RALGAPA2: variants seen among roughly 807,000 people sequenced by gnomAD.
RALGAPA2 encodes the protein Ral GTPase activating protein catalytic subunit alpha 2.
In RALGAPA2, 139 loss-of-function variants were observed where a neutral mutation model predicts 230.4. The ratio of observed to expected loss-of-function variants is 0.60; its 90% CI spans 0.53 to 0.69. The LOEUF (loss-of-function observed/expected upper bound fraction) is 0.69, where lower values mean the gene tolerates loss of function less well. Among genes scored for constraint, RALGAPA2 ranks in the 30% least tolerant of loss-of-function variants. The pLI is 0.00. For synonymous variants in RALGAPA2, 847 were observed against 837.8 expected (o/e 1.01, Z -0.19); for missense variants, 2,163 against 2,276.0 (o/e 0.95, Z 1.01).
chr20:20,460,999 T>C (rs1468739377), intron 37 of RALGAPA2, among the ~76,000 whole-genome samples: 1 of 152,182 alleles, frequency 6.6e-6, no homozygotes, highest in Admixed American at 6.5e-5. Context: ...AGGCTAAAAT[T>C]CTACAAAAAA....
At chr20:20,675,515 C>A (rs1450022126) in intron 3 of RALGAPA2, among the ~76,000 whole-genome samples, 1 of 152,148 alleles carries the variant, frequency 6.6e-6, no homozygotes, top group Non-Finnish European at 1.5e-5. Context: ...TCTCAAACCA[C>A]AAATAATTTC....
intron 37 of RALGAPA2, among the ~76,000 whole-genome samples, chr20:20,452,931 T>C (rs957624964): frequency 1.3e-5 from 2 of 152,176 alleles, no homozygotes; most frequent in African/African-American, 4.8e-5. Context: ...CGTGAGTTGA[T>C]GGCACAGGTG....
At chr20:20,703,201 T>C (rs2069461044) in intron 1 of RALGAPA2, among the ~76,000 whole-genome samples, 1 of 152,162 alleles carries the variant, frequency 6.6e-6, no homozygotes. Context: ...CAACTATTTT[T>C]AAAATAGCTG....
Position 20,434,194 on chromosome 20 carries a change from A to G in RALGAPA2, c.5496-22046T>C, listed in dbSNP as rs563726458. 3.9e-5 allele frequency among the ~76,000 whole-genome samples: 6 copies of G among 152,324 alleles called. No homozygotes were observed. In the South Asian group the frequency reaches 1.2e-3, roughly 32 times the overall value. ...AAAAATAAAACAAATTTTAATACAC[A>G]TGGTTAGTCTCTCCCAAACAAAAGT... On this transcript the variant is annotated intron_variant, in intron 37 of 39. Coordinates refer to ENST00000202677, the MANE Select transcript of RALGAPA2 (RefSeq NM_020343.4).
chr20:20,622,979 T>C (rs2066368197), intron 10 of RALGAPA2, among the ~76,000 whole-genome samples: 1 of 152,152 alleles, frequency 6.6e-6, no homozygotes, highest in Non-Finnish European at 1.5e-5. Flanking sequence ...AGCATTTATG[T>C]TAGGAATGCA....
chr20:20,707,414 AGAAG>A (rs1241997717), intron 1 of RALGAPA2, among the ~76,000 whole-genome samples: 1 of 152,174 alleles, frequency 6.6e-6, no homozygotes, highest in Non-Finnish European at 1.5e-5. Context: ...AAAAAAGGAA[AGAAG>A]GAAGGAGAGA....
chr20:20,646,384 A>C (rs1386530183), intron 4 of RALGAPA2, among the ~76,000 whole-genome samples: 1 of 152,172 alleles, frequency 6.6e-6, no homozygotes, highest in Non-Finnish European at 1.5e-5. Flanking sequence ...AACATTATCA[A>C]GTCATTTCTC....
intron 37 of RALGAPA2, chr20:20,471,674 C>T (rs943201042): frequency 5.9e-5 from 9 of 152,306 alleles, no homozygotes; most frequent in Non-Finnish European, 2.9e-5. Context: ...CACCACCAGC[C>T]TGGACAAAGC....
intron 10 of RALGAPA2, among the ~76,000 whole-genome samples, chr20:20,624,254 G>A (rs2066417063): frequency 6.6e-6 from 1 of 150,616 alleles, no homozygotes; most frequent in Admixed American, 6.6e-5. Flanking sequence ...TTGAACCCGG[G>A]AGGTGGAGGT....
intron 13 of RALGAPA2, 22 bp downstream of exon 13, chr20:20,616,020 TA>T: frequency 7.1e-7 from 1 of 1,415,682 alleles, no homozygotes; most frequent in Non-Finnish European, 9.4e-7. Flanking sequence ...TTTACAATAC[TA>T]ATTAATTTGA....
chr20:20,472,448 T>G (rs964072278), intron 37 of RALGAPA2: 1 of 153,930 alleles, frequency 6.5e-6, no homozygotes, highest in African/African-American at 2.4e-5. Flanking sequence ...GTAGGCACTC[T>G]GAATGAGCGA....
chr20:20,505,114 A>G, intron 34 of RALGAPA2: 2 of 985,458 alleles, frequency 2.0e-6, no homozygotes, highest in African/African-American at 3.5e-5. Context: ...CTCTGCCCAC[A>G]TTTGTCTTCT....
At chr20:20,547,224 C>T (rs1293651124) in intron 23 of RALGAPA2, among the ~76,000 whole-genome samples, 1 of 152,172 alleles carries the variant, frequency 6.6e-6, no homozygotes, top group African/African-American at 2.4e-5. Context: ...ACAGTTAAAG[C>T]ACAGTTACAT....
chr20:20,432,236 C>T (rs1928367), intron 37 of RALGAPA2, among the ~76,000 whole-genome samples: 48,490 of 151,974 alleles, frequency 0.32, 9,494 homozygotes, highest in Middle Eastern at 0.47. Flanking sequence ...TCTACAGAGA[C>T]GGATCCAAGA....
chr20:20,396,870 A>C, intron 38 of RALGAPA2, 136 bp from the exon 39 acceptor site: 2 of 715,970 alleles, frequency 2.8e-6, no homozygotes, highest in Non-Finnish European at 2.4e-6. Context: ...TCAATCAGTA[A>C]AAACTGAACA....
At chr20:20,469,829 C>A (rs1569425943) in intron 37 of RALGAPA2, among the ~76,000 whole-genome samples, 1 of 152,132 alleles carries the variant, frequency 6.6e-6, no homozygotes, top group African/African-American at 2.4e-5. Context: ...CCTCTAGGCA[C>A]AGGAATAGGC....
chr20:20,665,444 T>C (rs1317798567), intron 3 of RALGAPA2, among the ~76,000 whole-genome samples: 1 of 152,220 alleles, frequency 6.6e-6, no homozygotes, highest in Non-Finnish European at 1.5e-5. Context: ...GAACATCTTA[T>C]CTCCAGTGTC....
chr20:20,563,566 T>C (rs1307842345), intron 23 of RALGAPA2, among the ~76,000 whole-genome samples: 1 of 152,196 alleles, frequency 6.6e-6, no homozygotes, highest in Non-Finnish European at 1.5e-5. Flanking sequence ...CCTTGGTGTA[T>C]CCTCGGATGC....
At position 20,500,462 on chromosome 20, in the gene RALGAPA2, G is replaced by A. The variant is rs140660323; in HGVS notation, c.5208+2889C>T. Among the ~76,000 whole-genome samples the A allele has an allele frequency of 3.5e-4, 54 of 152,262 alleles. No individual in the cohort carries two copies. The East Asian group carries it at 9.4e-3, about 27-fold the overall frequency. ...CCTTCTCAAGAAACCCACTTTCTTT[G>A]CTTATCCATAAGAAGCAACTTTTCA... On this transcript the variant is annotated intron_variant, in intron 35 of 39. Transcript: ENST00000202677.
Sources: allele counts gnomAD v4.1 joint callset (sites outside exome capture counted in the v4.1 genomes callset), GRCh38; gene constraint gnomAD v4.1.1; transcripts MANE v1.5; gene names NCBI Gene and HGNC (gene_info 2026-07-23, HGNC 2026-07-21).